Variants in PCDHA9 observed in about 807,000 individuals in gnomAD.
PCDHA9 encodes protocadherin alpha 9.
PCDHA9 carries 62 observed loss-of-function variants against 62.0 expected under a neutral mutation model. The observed-to-expected ratio is 1.00, with a 90% CI of 0.81 to 1.23. The LOEUF is 1.23. Among genes scored for constraint, PCDHA9 ranks in the 50% most tolerant of loss-of-function variants. The probability of loss-of-function intolerance (pLI) is 0.00; values close to 1 mark genes in which losing one functional copy is unlikely to be tolerated. For synonymous variants in PCDHA9, 557 were observed against 567.6 expected (o/e 0.98, Z 0.27); for missense variants, 1,205 against 1,249.8 (o/e 0.96, Z 0.54).
At chr5:140,877,789 A>G (rs2057339151) in intron 1 of PCDHA9, 1 of 1,613,954 alleles carries the variant, frequency 6.2e-7, no homozygotes, top group Non-Finnish European at 8.5e-7. Context: ...CATGGCCTTC[A>G]GCCCAAGCCT....
intron 2 of PCDHA9, among the ~76,000 whole-genome samples, chr5:140,981,645 A>G (rs2096941816): frequency 6.6e-6 from 1 of 152,126 alleles, no homozygotes; most frequent in Admixed American, 6.6e-5. Context: ...TTCTCTTAGG[A>G]TCCCACTTAT....
intron 1 of PCDHA9, chr5:140,860,038 C>T (rs1333374793): frequency 6.6e-6 from 1 of 151,844 alleles, no homozygotes; most frequent in African/African-American, 2.4e-5. Context: ...CCTGTAATCC[C>T]AGCATTTTGA....
At chr5:140,946,871 A>G (rs952595827) in intron 1 of PCDHA9, among the ~76,000 whole-genome samples, 8 of 151,442 alleles carry the variant, frequency 5.3e-5, no homozygotes, top group Non-Finnish European at 8.9e-5. Flanking sequence ...AGGTTGGTCA[A>G]TGGGTACGAA....
intron 1 of PCDHA9, among the ~76,000 whole-genome samples, chr5:140,963,059 A>G (rs1307714661): frequency 6.6e-6 from 1 of 152,162 alleles, no homozygotes; most frequent in Non-Finnish European, 1.5e-5. Context: ...GGGTTTCTAC[A>G]TTGTGAAGGA....
At chr5:140,927,054 C>CT in intron 1 of PCDHA9, 1 of 1,611,076 alleles carries the variant, frequency 6.2e-7, no homozygotes, top group African/African-American at 1.3e-5. Context: ...CCTCGCGGAA[C>CT]TTTCGCTTCC....
In PCDHA9 at chr5:140,982,208, G is replaced by A. The variant is rs146224628; in HGVS notation, c.2454-267G>A. 246 of 434,966 alleles carry A rather than the reference G, an allele frequency of 5.7e-4. 1 individual carries two copies. The highest frequency in any genetic ancestry group is 7.4e-4 in the Non-Finnish European group (200 of 268,658). 26.9% of individuals were successfully genotyped at this position (434,966 alleles called of 1,614,324 possible). ...GGGCTTCCTGTTAGATTTAGTGAGC[G>A]CCACATGGCGTTAATAAAAAACAGA... On this transcript the variant is annotated intron_variant, in intron 2 of 3. Coordinates refer to ENST00000532602, the MANE Select transcript of PCDHA9 (RefSeq NM_031857.2).
chr5:140,983,704 A>T (rs1364816662), intron 3 of PCDHA9, among the ~76,000 whole-genome samples: 3 of 152,226 alleles, frequency 2.0e-5, no homozygotes, highest in Non-Finnish European at 4.4e-5. Flanking sequence ...AAATCCAAGT[A>T]TATCTAGCAC....
intron 3 of PCDHA9, among the ~76,000 whole-genome samples, chr5:140,999,159 G>T (rs1056236953): frequency 6.6e-6 from 1 of 152,182 alleles, no homozygotes; most frequent in Non-Finnish European, 1.5e-5. Flanking sequence ...CAGTCCCCTA[G>T]AAGGAAAAGA....
intron 1 of PCDHA9, chr5:140,968,774 C>G: frequency 6.2e-7 from 1 of 1,614,206 alleles, no homozygotes; most frequent in Non-Finnish European, 8.5e-7. Flanking sequence ...AGAGCCATCA[C>G]TATCAGCCTC....
At chr5:140,876,916 G>A (rs2056692894) in intron 1 of PCDHA9, 3 of 1,613,960 alleles carry the variant, frequency 1.9e-6, no homozygotes, top group Non-Finnish European at 2.5e-6. Flanking sequence ...GGCATGGGAC[G>A]CGGACGCGCA....
At chr5:140,928,201 G>C in intron 1 of PCDHA9, 1 of 1,614,242 alleles carries the variant, frequency 6.2e-7, no homozygotes, top group Non-Finnish European at 8.5e-7. Context: ...GTCAGTTGCT[G>C]ATGTGAATGA....
chr5:140,981,721 A>G (rs2096948672), intron 2 of PCDHA9, among the ~76,000 whole-genome samples: 1 of 151,112 alleles, frequency 6.6e-6, no homozygotes, highest in Non-Finnish European at 1.5e-5. Context: ...TTCATCCAAC[A>G]AATATTTGAG....
At chr5:140,987,149 G>C (rs1380803903) in intron 3 of PCDHA9, among the ~76,000 whole-genome samples, 2 of 151,884 alleles carry the variant, frequency 1.3e-5, no homozygotes, top group African/African-American at 4.8e-5. Flanking sequence ...GGGAGGTGGA[G>C]GTTGCAGTGA....
At chr5:140,912,939 T>C (rs1372074826) in intron 1 of PCDHA9, among the ~76,000 whole-genome samples, 1 of 152,230 alleles carries the variant, frequency 6.6e-6, no homozygotes, top group Middle Eastern at 3.2e-3. Context: ...CATCCTTGTA[T>C]CCCTGGGATA....
At chr5:140,881,988 C>A in intron 1 of PCDHA9, 1 of 434,968 alleles carries the variant, frequency 2.3e-6, no homozygotes, top group Non-Finnish European at 4.0e-6. Flanking sequence ...GTGAAAATGT[C>A]AGGAAATGCA....
chr5:140,950,662 C>T (rs1347125277), intron 1 of PCDHA9, among the ~76,000 whole-genome samples: 1 of 152,030 alleles, frequency 6.6e-6, no homozygotes, highest in East Asian at 1.9e-4. Flanking sequence ...CTGAGTTTAT[C>T]AAACATGTAC....
intron 1 of PCDHA9, chr5:140,928,901 T>A (rs781842258): frequency 6.2e-7 from 1 of 1,614,212 alleles, no homozygotes. Flanking sequence ...TTTGAAGATG[T>A]CTGGGAACCA....
At chr5:140,903,800 A>T (rs2070614237) in intron 1 of PCDHA9, among the ~76,000 whole-genome samples, 1 of 152,178 alleles carries the variant, frequency 6.6e-6, no homozygotes, top group African/African-American at 2.4e-5. Context: ...GTTGTAATTG[A>T]CAAGTATAGT....
intron 1 of PCDHA9, chr5:140,882,195 T>C: frequency 1.3e-6 from 2 of 1,521,122 alleles, no homozygotes; most frequent in Non-Finnish European, 8.8e-7. Flanking sequence ...GCCATAAAAA[T>C]TGGGCCTTGA....
Sources: gnomAD v4.1 joint callset for allele counts (sites outside exome capture counted in the v4.1 genomes callset) on GRCh38, gnomAD v4.1.1 for gene constraint, MANE v1.5 for transcripts, NCBI Gene and HGNC (gene_info 2026-07-23, HGNC 2026-07-21) for gene names.